Variants in TTC3 observed in about 807,000 individuals in gnomAD.
The protein encoded by TTC3 is E3 ubiquitin-protein ligase TTC3.
Under a neutral mutation model 249.6 loss-of-function variants are expected in TTC3, and 180 were observed. The observed-to-expected ratio is 0.72, with a 90% CI of 0.64 to 0.82. TTC3 has a LOEUF of 0.82. Ranked by LOEUF, TTC3 falls within the 40% of genes least tolerant of loss-of-function variation. The pLI, the probability that TTC3 is intolerant of heterozygous loss-of-function variation, is 0.00. For missense variants in TTC3, 2,061 were observed against 2,398.4 expected (o/e 0.86, Z 2.94); for synonymous variants, 717 against 805.0 (o/e 0.89, Z 1.85).
At chr21:37,098,045 C>T in intron 10 of TTC3, 1 of 659,566 alleles carries the variant, frequency 1.5e-6, no homozygotes, top group African/African-American at 1.8e-5. Flanking sequence ...ATGGCTTAAG[C>T]CGTGGATAAA....
At chr21:37,073,289 C>A in exon 1 of TTC3, 1 of 267,490 alleles carries the variant, frequency 3.7e-6, no homozygotes, top group Non-Finnish European at 5.7e-6. Context: ...ACGTGGAGGG[C>A]CGGAGGTGGC....
At chr21:37,167,406 AC>A (rs2081344558) in intron 33 of TTC3, 148 bp from the exon 34 acceptor site, 1 of 566,290 alleles carries the variant, frequency 1.8e-6, no homozygotes, top group African/African-American at 2.0e-5. Context: ...TTCCTAATAT[AC>A]ATGTTTACGG....
exon 44 of TTC3, chr21:37,197,961 C>T (rs753607929): frequency 2.1e-5 from 34 of 1,614,048 alleles, no homozygotes; most frequent in South Asian, 4.4e-5. Flanking sequence ...GGCTCACCCT[C>T]GGTGGTTGTT....
chr21:37,188,462 A>G, intron 38 of TTC3, 33 bp from the exon 39 acceptor site: 1 of 1,546,814 alleles, frequency 6.5e-7, no homozygotes. Context: ...TGTCATTTGT[A>G]AAATACTCAT....
At chr21:37,152,068 C>T in intron 26 of TTC3, 39 bp downstream of exon 26, 1 of 1,513,420 alleles carries the variant, frequency 6.6e-7, no homozygotes, top group Non-Finnish European at 8.8e-7. Context: ...ATAATATACT[C>T]TCATTTAAAT....
intron 1 of TTC3, among the ~76,000 whole-genome samples, chr21:37,079,515 T>TG (rs1451206293): frequency 1.6e-5 from 2 of 124,924 alleles, no homozygotes; most frequent in Admixed American, 9.2e-5. Context: ...GTTTATGGTA[T>TG]GGTTTTTTTT....
chr21:37,102,352 T>C (rs918545272), intron 10 of TTC3, among the ~76,000 whole-genome samples: 10 of 152,320 alleles, frequency 6.6e-5, no homozygotes, highest in African/African-American at 1.9e-4. Context: ...ATATCCCTTA[T>C]ATGGCTTGCA....
chr21:37,201,411 A>G (rs773213676), intron 45 of TTC3, 29 bp from the exon 46 acceptor site: 3 of 1,612,954 alleles, frequency 1.9e-6, no homozygotes, highest in South Asian at 1.1e-5. Flanking sequence ...TCCTGAAGGC[A>G]TCTTCTGATT....
At chr21:37,123,088 A>G (rs2076759527) in intron 13 of TTC3, 60 bp downstream of exon 13, 3 of 1,558,134 alleles carry the variant, frequency 1.9e-6, no homozygotes, top group East Asian at 4.5e-5. Flanking sequence ...GCATGAATTT[A>G]AGAATCACTT....
intron 35 of TTC3, among the ~76,000 whole-genome samples, chr21:37,178,284 T>C (rs1042432020): frequency 6.6e-6 from 1 of 152,224 alleles, no homozygotes; most frequent in Non-Finnish European, 1.5e-5. Flanking sequence ...TGAACATTCA[T>C]GGACAGGTTT....
exon 42 of TTC3, chr21:37,195,945 C>T (rs767884715): frequency 6.2e-7 from 1 of 1,614,214 alleles, no homozygotes; most frequent in East Asian, 2.2e-5. Flanking sequence ...GCCTGTTCCT[C>T]CAGGACGTGC....
At chr21:37,190,747 A>T (rs1369662169) in intron 39 of TTC3, among the ~76,000 whole-genome samples, 1 of 152,210 alleles carries the variant, frequency 6.6e-6, no homozygotes, top group African/African-American at 2.4e-5. Flanking sequence ...GGTAAAAAGA[A>T]TGCTCTGTTT....
chr21:37,119,635 A>G (rs1038108631), intron 11 of TTC3, among the ~76,000 whole-genome samples: 1 of 152,090 alleles, frequency 6.6e-6, no homozygotes. Context: ...TTCTCTTCCC[A>G]TGCTCTGGCT....
At chr21:37,105,268 G>A (rs1232273977) in intron 10 of TTC3, among the ~76,000 whole-genome samples, 1 of 152,072 alleles carries the variant, frequency 6.6e-6, no homozygotes, top group Admixed American at 6.5e-5. Context: ...AGCTTTTAAA[G>A]GTGTTTGGGG....
In TTC3 at chr21:37,197,555, C is replaced by T. The variant is rs773895938; in HGVS notation, c.5580-15C>T. ...GAACTTTCTGTTGTCATTCATCACT[C>T]ACTCTCCCTTTCAGCACTGAGCTTG... is the stretch of plus-strand genomic sequence containing the variant. On this transcript the variant is annotated splice_polypyrimidine_tract_variant and intron_variant, in intron 42 of 45. Coordinates refer to ENST00000355666, the Ensembl canonical transcript of TTC3. The T allele has an allele frequency of 3.1e-6, 5 of 1,611,612 alleles. No homozygotes were observed. In the East Asian group the frequency reaches 1.1e-4, roughly 36 times the overall value.
chr21:37,167,268 A>G (rs1406327421), intron 33 of TTC3, among the ~76,000 whole-genome samples: 7 of 152,220 alleles, frequency 4.6e-5, no homozygotes, highest in Non-Finnish European at 1.0e-4. Context: ...GGTTGCCTTT[A>G]TAGGGTATGA....
intron 10 of TTC3, chr21:37,097,962 GA>G: frequency 2.8e-6 from 2 of 713,452 alleles, no homozygotes; most frequent in Non-Finnish European, 5.2e-6. Context: ...AGTTTAAAAA[GA>G]AGAAAATAAA....
At chr21:37,075,361 C>T (rs2070700582) in intron 1 of TTC3, among the ~76,000 whole-genome samples, 1 of 152,162 alleles carries the variant, frequency 6.6e-6, no homozygotes, top group Middle Eastern at 3.2e-3. Flanking sequence ...AACAGTCCTG[C>T]AATAAATATC....
chr21:37,201,419 A>T, intron 45 of TTC3, 21 bp from the exon 46 acceptor site: 1 of 1,613,234 alleles, frequency 6.2e-7, no homozygotes, highest in Non-Finnish European at 8.5e-7. Context: ...GCATCTTCTG[A>T]TTTTGTTTTC....
Sources: allele counts gnomAD v4.1 joint callset (sites outside exome capture counted in the v4.1 genomes callset), GRCh38; gene constraint gnomAD v4.1.1; transcripts MANE v1.5; gene names NCBI Gene and HGNC (gene_info 2026-07-23, HGNC 2026-07-21).